Variants in PAF1 observed in about 807,000 individuals in gnomAD.
The protein encoded by PAF1 is RNA polymerase II-associated factor 1 homolog.
Under a neutral mutation model 68.4 loss-of-function variants are expected in PAF1, and 31 were observed. The observed-to-expected ratio is 0.45, with a 90% CI of 0.34 to 0.61. The LOEUF (loss-of-function observed/expected upper bound fraction) is 0.61. Among genes scored for constraint, PAF1 ranks in the 20% least tolerant of loss-of-function variants. The probability of loss-of-function intolerance (pLI) is 0.01; values close to 1 mark genes in which losing one functional copy is unlikely to be tolerated. For synonymous variants in PAF1, 256 were observed against 240.5 expected, an observed-to-expected ratio of 1.06 and a Z score of -0.60; for missense variants, 435 against 692.9, an observed-to-expected ratio of 0.63 and a Z score of 4.18.
At position 39,386,539 on chromosome 19, in the gene PAF1, G is replaced by A; in HGVS notation, c.1126C>T (p.Pro376Ser). 1 of 1,614,076 alleles carries A rather than the reference G, an allele frequency of 6.2e-7. No individual in the cohort carries two copies. Among genetic ancestry groups the A allele is most frequent in the Non-Finnish European group, 8.5e-7 (1 of 1,180,018 alleles). Reference protein sequence around the residue: ...ARKAQLENHEPEEEEEEEMET... With the variant: ...ARKAQLENHESEEEEEEEMET... ...ATCTCCTCTTCCTCTTCCTCCTCCG[G>A]TTCGTGGTTTTCTAGCTGGGCCTTC... Residue 376 changes from proline (P) to serine (S), a missense_variant, in exon 13 of 14, where the codon CCG (proline) becomes TCG (serine). Transcript: ENST00000221265. This position sits in a 1 kb window ranked among gnomAD's most constrained non-coding sequence, Gnocchi z 6.1.
At position 39,386,766 on chromosome 19, in the gene PAF1, C is replaced by T. The variant is rs35505162; in HGVS notation, c.1020G>A (p.Gly340=). Reference sequence around the variant, plus strand: ...GCAGGGCGTTGGTGCCTGACTGAACCCCAGCCTTGGCCCGGCGCTTACTAA... The same window carrying T: ...GCAGGGCGTTGGTGCCTGACTGAACTCCAGCCTTGGCCCGGCGCTTACTAA... ...VRLSKRRAKA[G]VQSGTNALLV... is the part of the protein sequence containing the mutation. Residue 340 remains glycine (G), a synonymous_variant, in exon 12 of 14, where the codon GGG becomes GGA. Transcript: ENST00000221265. The surrounding 1 kb of genome is among the most constrained non-coding windows in gnomAD (Gnocchi z 6.1). The T allele has an allele frequency of 7.3e-5, 118 of 1,614,114 alleles. 2 individuals are homozygous for T. In the Middle Eastern group the frequency reaches 2.0e-3, roughly 27 times the overall value.
intron 2 of PAF1, 26 bp downstream of exon 2, chr19:39,390,234 T>C (rs2078347453): frequency 6.2e-7 from 1 of 1,613,542 alleles, no homozygotes; most frequent in African/African-American, 1.3e-5. Flanking sequence ...GCCCCACCGC[T>C]CCTGGGAAAG....
chr19:39,390,993 G>T lies in PAF1; in HGVS notation c.-129C>A. On this transcript the variant is annotated 5_prime_UTR_variant, in exon 1 of 14. Transcript: ENST00000221265. ...CTTGGCGCCGCTCCCCGCGGAAAGT[G>T]GGTTGAGATGAGGTGGGCGGGCGAG... is the stretch of plus-strand genomic sequence containing the variant. 1.1e-6 allele frequency: 1 copy of T among 926,662 alleles called. No homozygotes were observed. Among genetic ancestry groups the T allele is most frequent in the South Asian group, 1.6e-5 (1 of 61,808 alleles). 57.4% of individuals were successfully genotyped at this position (926,662 alleles called of 1,614,324 possible). A position where few individuals can be genotyped will look rare whatever the true frequency, so the allele number is the denominator to read the frequency against.
Position 39,390,947 on chromosome 19 carries a change from C to CAGAGGGGCGTGCCGA in PAF1, c.-84_-83insTCGGCACGCCCCTCT. On this transcript the variant is annotated 5_prime_UTR_variant, in exon 1 of 14. Transcript: ENST00000221265. Reference sequence around the variant, plus strand: ...AGGGGCGTGCCGACTTCAGGGGACGCCTGATCCGAGGAAGGCCCAGCTTGG... The same window carrying CAGAGGGGCGTGCCGA: ...AGGGGCGTGCCGACTTCAGGGGACGCAGAGGGGCGTGCCGACTGATCCGAGGAAGGCCCAGCTTGG... 7.1e-7 allele frequency: 1 copy of CAGAGGGGCGTGCCGA among 1,398,790 alleles called. No homozygotes were observed. Among genetic ancestry groups the CAGAGGGGCGTGCCGA allele is most frequent in the Non-Finnish European group, 9.8e-7 (1 of 1,022,948 alleles). 86.6% of individuals were successfully genotyped at this position (1,398,790 alleles called of 1,614,324 possible). A position where few individuals can be genotyped will look rare whatever the true frequency, so the allele number is the denominator to read the frequency against.
In PAF1 at chr19:39,385,856, G is replaced by T; in HGVS notation, c.*135C>A. 1 of 1,326,784 alleles carries T rather than the reference G, an allele frequency of 7.5e-7. No individual in the cohort carries two copies. The highest frequency in any genetic ancestry group is 1.4e-5 in the South Asian group (1 of 70,044). 82.2% of individuals were successfully genotyped at this position (1,326,784 alleles called of 1,614,324 possible). A position where few individuals can be genotyped will look rare whatever the true frequency, so the allele number is the denominator to read the frequency against. On this transcript the variant is annotated 3_prime_UTR_variant, in exon 14 of 14. Coordinates refer to ENST00000221265, the MANE Select transcript of PAF1 (RefSeq NM_019088.4). The stretch of plus-strand genomic sequence containing the variant: ...CATAGGGGCTGGGAGGGGAAGTAAA[G>T]AGAAGTTGACTTTATTAACAGCAAA...
At chr19:39,390,728 C>T (rs2078361756) in intron 1 of PAF1, 90 bp downstream of exon 1, 1 of 1,385,376 alleles carries the variant, frequency 7.2e-7, no homozygotes. Flanking sequence ...TTCATGACGT[C>T]ACGGGCAGAC....
chr19:39,389,801 C>T lies in PAF1; in HGVS notation c.171-40G>A. 6.2e-7 allele frequency: 1 copy of T among 1,613,116 alleles called. No homozygotes were observed. The highest frequency in any genetic ancestry group is 8.5e-7 in the Non-Finnish European group (1 of 1,179,774). On this transcript the variant is annotated intron_variant, in intron 3 of 13. Coordinates refer to ENST00000221265, the MANE Select transcript of PAF1 (RefSeq NM_019088.4). The surrounding 1 kb of genome is among the most constrained non-coding windows in gnomAD (Gnocchi z 5.3). ...ACCTATTGTGGTGTTTGGATTCCAG[C>T]TTCACCCCTCACAGCCCTGCTTCCC...
chr19:39,385,964 C>G lies in PAF1; in HGVS notation c.*27G>C. 1 of 1,611,786 alleles carries G rather than the reference C, an allele frequency of 6.2e-7. No homozygotes were observed. The highest frequency in any genetic ancestry group is 1.3e-5 in the African/African-American group (1 of 75,044). On this transcript the variant is annotated 3_prime_UTR_variant, in exon 14 of 14. Coordinates refer to ENST00000221265, the MANE Select transcript of PAF1 (RefSeq NM_019088.4). ...GCTTTGCTGCTCACAATAATGGTGT[C>G]TGAACCAGCCCTGAATGCCCTGGGA...
chr19:39,388,336 T>C lies in PAF1; in HGVS notation c.986+3A>G. ...GCTAATCAGATAGGAGTGTGCTGAG[T>C]ACCTGGTTTCCAACTCATTGTAGTA... On this transcript the variant is annotated splice_donor_region_variant and intron_variant, in intron 11 of 13. Transcript: ENST00000221265. 2 of 1,614,102 alleles carry C rather than the reference T, an allele frequency of 1.2e-6. No individual in the cohort carries two copies. Among genetic ancestry groups the C allele is most frequent in the Non-Finnish European group, 1.7e-6 (2 of 1,179,976 alleles).
rs1392263101 is a variant in PAF1, at chr19:39,385,806, A to C, written c.*185T>G. On this transcript the variant is annotated 3_prime_UTR_variant, in exon 14 of 14. Transcript: ENST00000221265. ...TCCTTGAGCACCTGGGGGTTGCGGG[A>C]GGTATGTGCTGGGCTGAATGACATC... 18 of 825,846 alleles carry C rather than the reference A, an allele frequency of 2.2e-5. No individual in the cohort carries two copies. Among genetic ancestry groups the C allele is most frequent in the Non-Finnish European group, 2.4e-5 (13 of 542,638 alleles). 51.2% of individuals were successfully genotyped at this position (825,846 alleles called of 1,614,324 possible). A position where few individuals can be genotyped will look rare whatever the true frequency, so the allele number is the denominator to read the frequency against.
chr19:39,387,101 CAT>C, intron 11 of PAF1: 1 of 493,038 alleles, frequency 2.0e-6, no homozygotes, highest in Non-Finnish European at 3.8e-6. Flanking sequence ...AGATATACAT[CAT>C]GTGAACATCA....
rs570629942 is a variant in PAF1, at chr19:39,387,127, C to A, written c.987-328G>T. The A allele has an allele frequency of 3.0e-4, 133 of 447,728 alleles. 1 individual carries two copies. Among genetic ancestry groups the A allele is most frequent in the South Asian group, 2.5e-3 (120 of 48,752 alleles). The allele number at this position is 447,728 out of a possible 1,614,324, so 27.7% of individuals were successfully genotyped here. On this transcript the variant is annotated intron_variant, in intron 11 of 13. Transcript: ENST00000221265. ...ATGTGAACATCATACAGTACTCTTA[C>A]ACAAACGTACATAGTATAGCCTACT...
chr19:39,388,908 A>G (rs539429150), intron 8 of PAF1, 39 bp downstream of exon 8: 5 of 1,610,410 alleles, frequency 3.1e-6, no homozygotes, highest in African/African-American at 1.3e-5. Flanking sequence ...AACAGGCACA[A>G]ATAGGCTGTC....
chr19:39,389,628 C>T lies in PAF1; in HGVS notation c.292+12G>A, dbSNP rs763569504. The T allele has an allele frequency of 6.2e-7, 1 of 1,614,192 alleles. No individual in the cohort carries two copies. Among genetic ancestry groups the T allele is most frequent in the South Asian group, 1.1e-5 (1 of 91,074 alleles). ...CTGACCTAGAGCAGACCCTCCCTGT[C>T]TCCCCACACACCATTGGGGTCGATG... On this transcript the variant is annotated intron_variant, in intron 4 of 13. Coordinates refer to ENST00000221265, the MANE Select transcript of PAF1 (RefSeq NM_019088.4). This position sits in a 1 kb window ranked among gnomAD's most constrained non-coding sequence, Gnocchi z 5.3.
chr19:39,390,431 G>A lies in PAF1; in HGVS notation c.48-142C>T. On this transcript the variant is annotated intron_variant, in intron 1 of 13. Coordinates refer to ENST00000221265, the MANE Select transcript of PAF1 (RefSeq NM_019088.4). ...GTGGTGGTGTGGGGAGTGTCCAAATGCTTTAATGGAAGGAGACAAATGTTC... is the reference window on the plus strand; with the variant it reads ...GTGGTGGTGTGGGGAGTGTCCAAATACTTTAATGGAAGGAGACAAATGTTC... The A allele has an allele frequency of 3.9e-6, 3 of 760,840 alleles. No homozygotes were observed. In the East Asian group the frequency reaches 8.1e-5, roughly 20 times the overall value. 47.1% of individuals were successfully genotyped at this position (760,840 alleles called of 1,614,324 possible). A position where few individuals can be genotyped will look rare whatever the true frequency, so the allele number is the denominator to read the frequency against.
Position 39,386,273 on chromosome 19 carries a change from CTCG to C in PAF1, c.1311_1313del (p.Asp437del), listed in dbSNP as rs2078246127. The stretch of plus-strand genomic sequence containing the variant: ...CAGCCCGGGCCTCATCCTCGCTGCT[CTCG>C]TCCTCACCACTGCCACTCTTGTCAC... On this transcript the variant is annotated inframe_deletion, in exon 14 of 14. Transcript: ENST00000221265. The surrounding 1 kb of genome is among the most constrained non-coding windows in gnomAD (Gnocchi z 6.1). The C allele has an allele frequency of 6.2e-7, 1 of 1,614,080 alleles. No homozygotes were observed. The highest frequency in any genetic ancestry group is 8.5e-7 in the Non-Finnish European group (1 of 1,180,050).
rs1057254612 is a variant in PAF1, at chr19:39,388,684, G to A, written c.741-8C>T. ...TCCTCATCCATCATGCCCCTGGTTG[G>A]GGGAAAAGGAGTAGCAATGAAGTGT... is the stretch of plus-strand genomic sequence containing the variant. On this transcript the variant is annotated splice_region_variant and splice_polypyrimidine_tract_variant and intron_variant, in intron 9 of 13. Coordinates refer to ENST00000221265, the MANE Select transcript of PAF1 (RefSeq NM_019088.4). The A allele has an allele frequency of 6.2e-6, 10 of 1,613,288 alleles. No individual in the cohort carries two copies. The African/African-American group carries it at 9.3e-5, about 15-fold the overall frequency.
chr19:39,386,315 G>A lies in PAF1; in HGVS notation c.1272C>T (p.Asp424=). 10 of 1,614,072 alleles carry A rather than the reference G, an allele frequency of 6.2e-6. No individual in the cohort carries two copies. Among genetic ancestry groups the A allele is most frequent in the East Asian group, 2.2e-5 (1 of 44,880 alleles). The part of the protein sequence containing the change: ...SGSESEREEG[D]RDEASDKSGS... Reference sequence around the variant, plus strand: ...CACTCTTGTCACTGGCCTCGTCCCTGTCACCTTCCTCCCGTTCACTCTCGC... The same window carrying A: ...CACTCTTGTCACTGGCCTCGTCCCTATCACCTTCCTCCCGTTCACTCTCGC... The change falls in exon 14 of 14, where the codon GAC becomes GAT. Residue 424 remains aspartate, a synonymous_variant. Coordinates refer to ENST00000221265, the MANE Select transcript of PAF1 (RefSeq NM_019088.4). This position sits in a 1 kb window ranked among gnomAD's most constrained non-coding sequence, Gnocchi z 6.1.
At chr19:39,388,699 C>A in intron 9 of PAF1, 23 bp from the exon 10 acceptor site, 1 of 1,611,728 alleles carries the variant, frequency 6.2e-7, no homozygotes, top group South Asian at 1.1e-5. Context: ...AAAGGAGTAG[C>A]AATGAAGTGT....
Sources: allele counts gnomAD v4.1 joint callset, GRCh38; gene constraint gnomAD v4.1.1; non-coding constraint Gnocchi (gnomAD v3.1); transcripts MANE v1.5; gene names NCBI Gene and HGNC (gene_info 2026-07-23, HGNC 2026-07-21).